The following BMERB1 variants were observed in gnomAD, a reference collection of about 807,000 sequenced individuals.
The protein encoded by BMERB1 is bMERB domain-containing protein 1.
In BMERB1, 12 loss-of-function variants were observed where a neutral mutation model predicts 23.6. The ratio of observed to expected loss-of-function variants is 0.51; its 90% CI spans 0.33 to 0.82. The LOEUF is 0.82. Ranked by LOEUF, BMERB1 falls within the 40% of genes least tolerant of loss-of-function variation. The pLI, the probability that BMERB1 is intolerant of heterozygous loss-of-function variation, is 0.03. For synonymous variants in BMERB1, 122 were observed against 96.6 expected (o/e 1.26, Z -1.54); for missense variants, 247 against 255.4 (o/e 0.97, Z 0.22).
At chr16:15,499,988 G>A (rs1051188034) in intron 1 of BMERB1, among the ~76,000 whole-genome samples, 1 of 152,160 alleles carries the variant, frequency 6.6e-6, no homozygotes, top group African/African-American at 2.4e-5. Flanking sequence ...ATGTGCCAAT[G>A]TCAGTTTCTT....
chr16:15,465,248 T>G lies in BMERB1; in HGVS notation c.106+30489T>G, dbSNP rs563530307. Reference sequence around the variant, plus strand: ...AGGACCTCTCTGACATACAAACGGATATAAATCAGCAATTCTCTCCAAATA... The same window carrying G: ...AGGACCTCTCTGACATACAAACGGAGATAAATCAGCAATTCTCTCCAAATA... On this transcript the variant is annotated intron_variant, in intron 1 of 5. Transcript: ENST00000300006. Among the ~76,000 whole-genome samples the G allele has an allele frequency of 1.5e-4, 23 of 152,106 alleles. No homozygotes were observed. In the East Asian group the frequency reaches 3.9e-3, roughly 26 times the overall value.
intron 2 of BMERB1, among the ~76,000 whole-genome samples, chr16:15,563,965 A>G (rs2030497039): frequency 6.6e-6 from 1 of 152,010 alleles, no homozygotes. Flanking sequence ...GGGGTGAGTG[A>G]GTTCTCACTC....
Position 15,518,364 on chromosome 16 carries a change from C to G in BMERB1, c.230+2936C>G, listed in dbSNP as rs1336054545. ...CCCAGATGTCTTGCTGGAATGGAGT[C>G]CTACAGACAGTATTGGATGGTGATG... On this transcript the variant is annotated intron_variant, in intron 2 of 5. Transcript: ENST00000300006. Among the ~76,000 whole-genome samples, 3 of 152,136 alleles carry G rather than the reference C, an allele frequency of 2.0e-5. No individual in the cohort carries two copies. The South Asian group carries it at 6.2e-4, about 31-fold the overall frequency.
rs113225652 is a variant in BMERB1 at position 15,496,572 on chromosome 16, T to C, written c.107-18733T>C. Among the ~76,000 whole-genome samples the C allele has an allele frequency of 3.2e-3, 478 of 151,666 alleles. 3 individuals are homozygous for C. The highest frequency in any genetic ancestry group is 0.011 in the African/African-American group (447 of 41,298). On this transcript the variant is annotated intron_variant, in intron 1 of 5. Transcript: ENST00000300006. ...TTTTTTTTTTTTGAGACAGTCTTGCTCTGTCACCCAGCCTGGAGTGCAGTG... is the reference window on the plus strand; with the variant it reads ...TTTTTTTTTTTTGAGACAGTCTTGCCCTGTCACCCAGCCTGGAGTGCAGTG...
chr16:15,515,051 C>T (rs142883270), intron 1 of BMERB1, among the ~76,000 whole-genome samples: 2,167 of 152,326 alleles, frequency 0.014, 59 homozygotes, highest in African/African-American at 0.051. Context: ...CACCGCACTC[C>T]AGCCTGGGCG....
chr16:15,558,630 A>T (rs376066477), intron 2 of BMERB1, among the ~76,000 whole-genome samples: 14 of 151,084 alleles, frequency 9.3e-5, no homozygotes, highest in African/African-American at 3.0e-4. Context: ...CCGTAGTCAC[A>T]TATGTGTCGT....
chr16:15,522,141 C>T (rs758391605), intron 2 of BMERB1, among the ~76,000 whole-genome samples: 156 of 152,262 alleles, frequency 1.0e-3, no homozygotes, highest in Non-Finnish European at 1.9e-3. Context: ...CCTTTTACAC[C>T]CGCTTGCTGG....
At position 15,453,735 on chromosome 16, in the gene BMERB1, G is replaced by A. The variant is rs142727401; in HGVS notation, c.106+18976G>A. Reference sequence around the variant, plus strand: ...AAAAATACAAAAAAATTAGCTAGGTGTGGTGGCACGTGCCTGTACACCCAG... The same window carrying A: ...AAAAATACAAAAAAATTAGCTAGGTATGGTGGCACGTGCCTGTACACCCAG... On this transcript the variant is annotated intron_variant, in intron 1 of 5. Coordinates refer to ENST00000300006, the MANE Select transcript of BMERB1 (RefSeq NM_033201.3). 3.7e-3 allele frequency among the ~76,000 whole-genome samples: 570 copies of A among 152,124 alleles called. 4 individuals carry two copies. The highest frequency in any genetic ancestry group is 0.013 in the African/African-American group (541 of 41,484).
chr16:15,547,417 C>T (rs1410985256), intron 2 of BMERB1, among the ~76,000 whole-genome samples: 1 of 151,638 alleles, frequency 6.6e-6, no homozygotes, highest in East Asian at 1.9e-4. Context: ...TCTCGGCTCA[C>T]TGCAACCTCC....
intron 2 of BMERB1, among the ~76,000 whole-genome samples, chr16:15,559,599 C>T (rs1463300306): frequency 1.3e-5 from 2 of 152,204 alleles, no homozygotes; most frequent in Non-Finnish European, 2.9e-5. Context: ...AGTGCATTTA[C>T]ATGTAAATGC....
rs561637981 is a variant in BMERB1 at position 15,495,994 on chromosome 16, A to ATGG, written c.107-19296_107-19294dup. On this transcript the variant is annotated intron_variant, in intron 1 of 5. Transcript: ENST00000300006. ...GGCAATGATGATGATAGTGATGTTGATGGTGGTGGTGGTGGTGATAGTGGT... is the reference window on the plus strand; with the variant it reads ...GGCAATGATGATGATAGTGATGTTGATGGTGGTGGTGGTGGTGGTGATAGTGGT... Among the ~76,000 whole-genome samples, 35 of 151,390 alleles carry ATGG rather than the reference A, an allele frequency of 2.3e-4. No individual in the cohort carries two copies. The South Asian group carries it at 3.4e-3, about 15-fold the overall frequency.
rs183537586 is a variant in BMERB1, at chr16:15,488,333, T to C, written c.107-26972T>C. On this transcript the variant is annotated intron_variant, in intron 1 of 5. Coordinates refer to ENST00000300006, the MANE Select transcript of BMERB1 (RefSeq NM_033201.3). Reference sequence around the variant, plus strand: ...CACAAATGTAAAAGCCATTCTTGTCTCACAGGCTGCACAAAAAGAAGTGAT... The same window carrying C: ...CACAAATGTAAAAGCCATTCTTGTCCCACAGGCTGCACAAAAAGAAGTGAT... Among the ~76,000 whole-genome samples the C allele has an allele frequency of 1.6e-3, 251 of 152,300 alleles. 1 individual carries two copies. Among genetic ancestry groups the C allele is most frequent in the Admixed American group, 3.7e-3 (56 of 15,298 alleles).
chr16:15,457,474 C>T (rs570642058), intron 1 of BMERB1, among the ~76,000 whole-genome samples: 15 of 152,262 alleles, frequency 9.9e-5, no homozygotes, highest in African/African-American at 2.9e-4. Flanking sequence ...TTCTACAATG[C>T]GAATATGACC....
chr16:15,558,299 C>A (rs570975415), intron 2 of BMERB1, among the ~76,000 whole-genome samples: 1 of 152,108 alleles, frequency 6.6e-6, no homozygotes, highest in African/African-American at 2.4e-5. Flanking sequence ...TACTTGCCTC[C>A]CTGAAGATGG....
rs780229670 is a variant in BMERB1, at chr16:15,587,508, G to A, written c.*679G>A. The stretch of plus-strand genomic sequence containing the variant: ...ATTGTGCTCTCAGTCTGCCTCAGGT[G>A]TGTGCCTGGAGGGGGCCTGGACTGG... On this transcript the variant is annotated 3_prime_UTR_variant, in exon 6 of 6. Coordinates refer to ENST00000300006, the MANE Select transcript of BMERB1 (RefSeq NM_033201.3). The A allele has an allele frequency of 4.5e-6, 2 of 447,272 alleles. No homozygotes were observed. Among genetic ancestry groups the A allele is most frequent in the South Asian group, 3.1e-5 (2 of 63,728 alleles). The allele number at this position is 447,272 out of a possible 1,614,324, so 27.7% of individuals were successfully genotyped here.
At chr16:15,539,532 TA>T (rs2052058353) in intron 2 of BMERB1, among the ~76,000 whole-genome samples, 1 of 152,066 alleles carries the variant, frequency 6.6e-6, no homozygotes, top group Non-Finnish European at 1.5e-5. Flanking sequence ...AGGCAGCATT[TA>T]GGAAAACATT....
chr16:15,489,891 G>C (rs1453494674), intron 1 of BMERB1, among the ~76,000 whole-genome samples: 1 of 151,578 alleles, frequency 6.6e-6, no homozygotes, highest in Non-Finnish European at 1.5e-5. Context: ...TTTTGAGATG[G>C]AGTCTTGCTC....
chr16:15,460,262 A>C (rs2051123212), intron 1 of BMERB1, among the ~76,000 whole-genome samples: 1 of 152,162 alleles, frequency 6.6e-6, no homozygotes, highest in African/African-American at 2.4e-5. Flanking sequence ...CTACCTAAGA[A>C]AGACAGTTTC....
chr16:15,476,230 T>G (rs1446145117), intron 1 of BMERB1, among the ~76,000 whole-genome samples: 1 of 151,554 alleles, frequency 6.6e-6, no homozygotes, highest in Non-Finnish European at 1.5e-5. Flanking sequence ...TGGCGTGATC[T>G]TGGCTTATTG....
Sources: allele counts gnomAD v4.1 joint callset (sites outside exome capture counted in the v4.1 genomes callset), GRCh38; gene constraint gnomAD v4.1.1; transcripts MANE v1.5; gene names NCBI Gene and HGNC (gene_info 2026-07-23, HGNC 2026-07-21).